Variants in SP100 observed in about 807,000 individuals in gnomAD.
The protein encoded by SP100 is nuclear autoantigen Sp-100.
Under a neutral mutation model 130.0 loss-of-function variants are expected in SP100, and 84 were observed. The ratio of observed to expected loss-of-function variants is 0.65; its 90% CI spans 0.54 to 0.77. The LOEUF is 0.77. SP100 is among the 30% of genes least tolerant of loss of function. SP100 has a pLI of 0.00. For synonymous variants in SP100, 331 were observed against 351.7 expected, an observed-to-expected ratio of 0.94 and a Z score of 0.66; for missense variants, 978 against 1,052.2, an observed-to-expected ratio of 0.93 and a Z score of 0.97.
chr2:230,418,142 A>G (rs2062666377), intron 2 of SP100, among the ~76,000 whole-genome samples: 1 of 152,130 alleles, frequency 6.6e-6, no homozygotes, highest in Non-Finnish European at 1.5e-5. Flanking sequence ...ATATTCTTAC[A>G]TTGGAGCCAC....
intron 24 of SP100, among the ~76,000 whole-genome samples, chr2:230,530,507 G>A (rs1691651757): frequency 6.6e-6 from 1 of 152,122 alleles, no homozygotes; most frequent in Non-Finnish European, 1.5e-5. Flanking sequence ...TACCATTCAG[G>A]ATATAGGCAT....
At chr2:230,527,066 T>G (rs1559535713) in intron 24 of SP100, among the ~76,000 whole-genome samples, 1 of 151,920 alleles carries the variant, frequency 6.6e-6, no homozygotes, top group Non-Finnish European at 1.5e-5. Flanking sequence ...ATCCAGGAAA[T>G]ACAGAGCACA....
chr2:230,527,622 T>C (rs1295857237), intron 24 of SP100, among the ~76,000 whole-genome samples: 4 of 152,052 alleles, frequency 2.6e-5, no homozygotes, highest in African/African-American at 7.2e-5. Context: ...TTAAAAGACA[T>C]AGACTGGCAA....
At position 230,444,301 on chromosome 2, in the gene SP100, C is replaced by T; in HGVS notation, c.394C>T (p.Gln132Ter). The change falls in exon 4 of 29, where the codon CAG (glutamine) becomes TAG (stop). Residue 132 changes from glutamine to a stop codon, truncating the protein, a stop_gained. Transcript: ENST00000340126. LOFTEE classifies it high-confidence loss of function. The stretch of plus-strand genomic sequence containing the variant: ...AGCACTGTTCAGCGATGTCAACATG[C>T]AGGAATACCCCGATTTAATTCACAT... ...LEALFSDVNM[Q>*]EYPDLIHIYK... The T allele has an allele frequency of 6.2e-7, 1 of 1,613,482 alleles. No individual in the cohort carries two copies. The highest frequency in any genetic ancestry group is 8.5e-7 in the Non-Finnish European group (1 of 1,179,776).
At chr2:230,435,473 TTAAC>T (rs1289763208) in intron 2 of SP100, among the ~76,000 whole-genome samples, 2 of 152,220 alleles carry the variant, frequency 1.3e-5, no homozygotes, top group African/African-American at 2.4e-5. Flanking sequence ...AAATCTTCCT[TTAAC>T]TATTCTCTTC....
chr2:230,494,001 A>C (rs1406383695), intron 17 of SP100: 2 of 179,246 alleles, frequency 1.1e-5, no homozygotes, highest in Non-Finnish European at 2.3e-5. Context: ...CAAGTGATTC[A>C]CCCACTTTGG....
intron 8 of SP100, among the ~76,000 whole-genome samples, chr2:230,454,724 G>A (rs1264632387): frequency 6.6e-6 from 1 of 152,124 alleles, no homozygotes; most frequent in Non-Finnish European, 1.5e-5. Context: ...CCTGTAGAAT[G>A]TCTCATGTAC....
chr2:230,524,110 G>A (rs1468835107), intron 24 of SP100, among the ~76,000 whole-genome samples: 1 of 142,140 alleles, frequency 7.0e-6, no homozygotes, highest in Non-Finnish European at 1.5e-5. Context: ...GAGGCAGGTG[G>A]ATCACCTGAG....
At chr2:230,416,503 C>T (rs1029108192) in intron 1 of SP100, among the ~76,000 whole-genome samples, 175 bp downstream of exon 1, 6 of 152,096 alleles carry the variant, frequency 3.9e-5, no homozygotes, top group African/African-American at 7.2e-5. Context: ...ATTTTTTAAA[C>T]AGGAGCAGGA....
intron 24 of SP100, chr2:230,516,055 A>G: frequency 6.1e-6 from 6 of 991,416 alleles, no homozygotes; most frequent in Non-Finnish European, 7.2e-6. Context: ...TTTTGTTGAC[A>G]TTCTGAATGC....
At chr2:230,433,277 C>T (rs2063149550) in intron 2 of SP100, among the ~76,000 whole-genome samples, 1 of 152,094 alleles carries the variant, frequency 6.6e-6, no homozygotes, top group East Asian at 1.9e-4. Flanking sequence ...CATTTAATTG[C>T]CTTGGCACTT....
chr2:230,455,966 T>A (rs1023372095), intron 8 of SP100, among the ~76,000 whole-genome samples: 4 of 152,196 alleles, frequency 2.6e-5, no homozygotes, highest in African/African-American at 9.6e-5. Context: ...CTCTAAAAAA[T>A]TATTGTAGCT....
In SP100 at chr2:230,460,592, CTTTTTTTTTTTTTTTTTTTTTTTTTT is replaced by C. The variant is rs1193506734; in HGVS notation, c.821-653_821-628del. ...TGTCTGGGGTATTGGTAATCTGTTT[CTTTTTTTTTTTTTTTTTTTTTTTTTT>C]TTTTTTTTTTTTTTTTGAGACGGAG... On this transcript the variant is annotated intron_variant, in intron 8 of 28. Coordinates refer to ENST00000340126, the MANE Select transcript of SP100 (RefSeq NM_001080391.2). Among the ~76,000 whole-genome samples the C allele has an allele frequency of 2.3e-4, 4 of 17,188 alleles. 2 individuals are homozygous for C. In the Admixed American group the frequency reaches 2.9e-3, roughly 13 times the overall value. 11.3% of individuals were successfully genotyped at this position (17,188 alleles called of 152,430 possible).
intron 17 of SP100, among the ~76,000 whole-genome samples, chr2:230,487,554 A>G (rs2066171408): frequency 6.6e-6 from 1 of 152,202 alleles, no homozygotes; most frequent in African/African-American, 2.4e-5. Context: ...TACCAGTACC[A>G]TGGGGGTGTT....
chr2:230,436,607 T>C (rs1371501321), intron 2 of SP100, among the ~76,000 whole-genome samples: 1 of 152,220 alleles, frequency 6.6e-6, no homozygotes, highest in Non-Finnish European at 1.5e-5. Flanking sequence ...CACACTGAAC[T>C]GTAAGTCAAT....
intron 2 of SP100, among the ~76,000 whole-genome samples, chr2:230,431,159 C>T (rs2063088172): frequency 6.6e-6 from 1 of 152,338 alleles, no homozygotes; most frequent in African/African-American, 2.4e-5. Flanking sequence ...ACAGTACCAG[C>T]ATGACAATCT....
chr2:230,530,964 G>A (rs1691672538), intron 24 of SP100, among the ~76,000 whole-genome samples: 2 of 152,348 alleles, frequency 1.3e-5, no homozygotes, highest in South Asian at 4.1e-4. Context: ...CTTTTACACT[G>A]TTGGCAGGAG....
chr2:230,508,377 G>A (rs536916763), intron 23 of SP100: 119 of 206,474 alleles, frequency 5.8e-4, no homozygotes, highest in African/African-American at 2.9e-3. Flanking sequence ...GTGCAGTGGT[G>A]TGATCTAGGC....
intron 2 of SP100, chr2:230,440,584 T>C: frequency 7.3e-7 from 1 of 1,372,632 alleles, no homozygotes; most frequent in African/African-American, 1.5e-5. Context: ...ATATACAATG[T>C]TAACAGATTG....
Sources: allele counts gnomAD v4.1 joint callset (sites outside exome capture counted in the v4.1 genomes callset), GRCh38; gene constraint gnomAD v4.1.1; transcripts MANE v1.5; gene names NCBI Gene and HGNC (gene_info 2026-07-23, HGNC 2026-07-21).